REDIC1: variants seen among roughly 807,000 people sequenced by gnomAD.
The protein encoded by REDIC1 is HEI10 Interacting Protein 1.
the REDIC1 span, chr12:39,682,817 C>A: frequency 6.2e-6 from 10 of 1,612,076 alleles, no homozygotes; most frequent in Non-Finnish European, 8.5e-6. Flanking sequence ...AATTGTGACT[C>A]TTTTGTTAGT....
chr12:39,757,625 A>G, the REDIC1 span: 5 of 151,948 alleles, frequency 3.3e-5, no homozygotes, highest in African/African-American at 1.2e-4. Flanking sequence ...TTAACACTAT[A>G]TAAATAACAA....
At chr12:39,634,986 A>G in the REDIC1 span, among the ~76,000 whole-genome samples, 3 of 152,240 alleles carry the variant, frequency 2.0e-5, no homozygotes, top group East Asian at 5.8e-4. Context: ...ATATGAACAG[A>G]CACTTCTAAA....
chr12:39,713,649 C>A, the REDIC1 span, among the ~76,000 whole-genome samples: 1 of 141,510 alleles, frequency 7.1e-6, no homozygotes, highest in Non-Finnish European at 1.6e-5. Context: ...GTATATATAC[C>A]TGTATACATG....
chr12:39,762,478 G>A, the REDIC1 span, among the ~76,000 whole-genome samples: 1 of 144,856 alleles, frequency 6.9e-6, no homozygotes, highest in Admixed American at 7.0e-5. Context: ...CACATGTGCT[G>A]TATATAAAAT....
chr12:39,653,745 TCA>T, the REDIC1 span, among the ~76,000 whole-genome samples: 5 of 152,012 alleles, frequency 3.3e-5, no homozygotes, highest in Non-Finnish European at 7.4e-5. Context: ...CCTATTGTTC[TCA>T]GTTTTAGGGA....
chr12:39,692,033 T>C, the REDIC1 span: 2 of 1,555,284 alleles, frequency 1.3e-6, no homozygotes, highest in Non-Finnish European at 8.7e-7. Context: ...TTGTTAACAT[T>C]TTGGTTTTCT....
chr12:39,762,574 G>A, the REDIC1 span, among the ~76,000 whole-genome samples: 1 of 152,018 alleles, frequency 6.6e-6, no homozygotes, highest in Non-Finnish European at 1.5e-5. Flanking sequence ...AAGCAATATG[G>A]TTGAGGAAGG....
At chr12:39,639,915 A>G in the REDIC1 span, among the ~76,000 whole-genome samples, 1 of 151,940 alleles carries the variant, frequency 6.6e-6, no homozygotes, top group Non-Finnish European at 1.5e-5. Context: ...AAATCTGGTA[A>G]TACTGTCATG....
chr12:39,829,633 G>C, the REDIC1 span: 1 of 161,400 alleles, frequency 6.2e-6, no homozygotes, highest in Non-Finnish European at 1.4e-5. Context: ...GGGTGGTCTC[G>C]AACTCCTGAC....
the REDIC1 span, among the ~76,000 whole-genome samples, chr12:39,827,754 G>T: frequency 6.6e-6 from 1 of 152,114 alleles, no homozygotes; most frequent in Admixed American, 6.6e-5. Flanking sequence ...GACCTTTGAA[G>T]TTTTGTTTCC....
At chr12:39,731,708 G>A in the REDIC1 span, among the ~76,000 whole-genome samples, 4 of 152,186 alleles carry the variant, frequency 2.6e-5, no homozygotes, top group Non-Finnish European at 4.4e-5. Flanking sequence ...TGTCTTCAGA[G>A]CCATCAGGCA....
At chr12:39,790,491 T>C in the REDIC1 span, among the ~76,000 whole-genome samples, 3 of 151,042 alleles carry the variant, frequency 2.0e-5, no homozygotes, top group African/African-American at 2.4e-5. Context: ...GTTCTTGTGA[T>C]AGTTTGCTGA....
At chr12:39,820,717 T>TTATATATA in the REDIC1 span, among the ~76,000 whole-genome samples, 19 of 132,708 alleles carry the variant, frequency 1.4e-4, no homozygotes, top group South Asian at 2.7e-4. Context: ...ATTTTTAAAT[T>TTATATATA]TATATATATA....
chr12:39,685,604 AG>A, the REDIC1 span, among the ~76,000 whole-genome samples: 1 of 152,146 alleles, frequency 6.6e-6, no homozygotes, highest in Non-Finnish European at 1.5e-5. Context: ...GAGATTTGGC[AG>A]GGACATAGAT....
the REDIC1 span, among the ~76,000 whole-genome samples, chr12:39,813,970 C>T: frequency 1.3e-4 from 20 of 152,204 alleles, no homozygotes; most frequent in Admixed American, 1.2e-3. Flanking sequence ...CAATCTTGGA[C>T]AATTTCCAGT....
chr12:39,832,736 TC>T, the REDIC1 span, among the ~76,000 whole-genome samples: 2,292 of 152,080 alleles, frequency 0.015, 26 homozygotes, highest in Middle Eastern at 0.024. Context: ...TTTTCTCCTT[TC>T]TTTAGCTTAC....
At chr12:39,825,783 G>T in the REDIC1 span, among the ~76,000 whole-genome samples, 1 of 151,670 alleles carries the variant, frequency 6.6e-6, no homozygotes, top group Non-Finnish European at 1.5e-5. Flanking sequence ...TGATCCTTCC[G>T]AGTATTTCTT....
At chr12:39,716,781 G>A in the REDIC1 span, 1 of 1,603,110 alleles carries the variant, frequency 6.2e-7, no homozygotes, top group South Asian at 1.1e-5. Flanking sequence ...AGAGTAGTCG[G>A]TCTACTAGTT....
the REDIC1 span, among the ~76,000 whole-genome samples, chr12:39,791,184 T>G: frequency 2.6e-5 from 4 of 151,794 alleles, no homozygotes; most frequent in Admixed American, 6.6e-5. Flanking sequence ...CCCTTCATGC[T>G]AAAAACTCTC....
Sources: gnomAD v4.1 joint callset for allele counts (sites outside exome capture counted in the v4.1 genomes callset) on GRCh38, gnomAD v4.1.1 for gene constraint, MANE v1.5 for transcripts, NCBI Gene and HGNC (gene_info 2026-07-23, HGNC 2026-07-21) for gene names.